Variants in IFT81 observed in about 807,000 individuals in gnomAD.
IFT81 encodes the protein intraflagellar transport 81.
Under a neutral mutation model 102.6 loss-of-function variants are expected in IFT81, and 72 were observed. The ratio of observed to expected loss-of-function variants is 0.70; its 90% CI spans 0.58 to 0.85. The LOEUF is 0.85. Among genes scored for constraint, IFT81 ranks in the 40% least tolerant of loss-of-function variants. The pLI, the probability that IFT81 is intolerant of heterozygous loss-of-function variation, is 0.00. For missense variants in IFT81, 723 were observed against 787.3 expected, an observed-to-expected ratio of 0.92 and a Z score of 0.98; for synonymous variants, 237 against 242.7, an observed-to-expected ratio of 0.98 and a Z score of 0.22.
rs1405555136 is a variant in IFT81 at position 110,132,634 on chromosome 12, A to C, written c.517A>C (p.Lys173Gln). The C allele has an allele frequency of 6.7e-7, 1 of 1,499,630 alleles. No homozygotes were observed. Among genetic ancestry groups the C allele is most frequent in the Non-Finnish European group, 9.2e-7 (1 of 1,089,542 alleles). The allele number at this position is 1,499,630 out of a possible 1,614,324, so 92.9% of individuals were successfully genotyped here. The change falls in exon 5 of 19, where the codon AAG becomes CAG. Residue 173 changes from lysine (K) to glutamine (Q), a missense_variant and splice_region_variant. Physicochemically the swap from Lys to Gln is moderately conservative, Grantham distance 53. Transcript: ENST00000242591. ...TGGATTTTCTACAGCAGAAATAAGAAAGGTAAAGGAAAGAAAACATAGTAA... is the reference window on the plus strand; with the variant it reads ...TGGATTTTCTACAGCAGAAATAAGACAGGTAAAGGAAAGAAAACATAGTAA... The part of the protein sequence containing the change: ...ISGFSTAEIR[K>Q]DISAMEEEKD...
chr12:110,159,757 T>C (rs1244900183), intron 10 of IFT81, among the ~76,000 whole-genome samples: 2 of 152,186 alleles, frequency 1.3e-5, no homozygotes, highest in Non-Finnish European at 2.9e-5. Context: ...ATCCCCAGTA[T>C]TGGAGGACTA....
At chr12:110,142,716 C>T (rs1894970201) in intron 8 of IFT81, among the ~76,000 whole-genome samples, 1 of 151,632 alleles carries the variant, frequency 6.6e-6, no homozygotes, top group Non-Finnish European at 1.5e-5. Flanking sequence ...ATGGCAAAAC[C>T]TCGTCTCTAC....
At chr12:110,216,013 T>C (rs1341053709) in intron 18 of IFT81, among the ~76,000 whole-genome samples, 2 of 152,130 alleles carry the variant, frequency 1.3e-5, no homozygotes, top group African/African-American at 2.4e-5. Flanking sequence ...ATAAATAGAG[T>C]ATACACTGTT....
intron 10 of IFT81, among the ~76,000 whole-genome samples, chr12:110,157,822 G>C (rs1337717703): frequency 6.6e-6 from 1 of 152,044 alleles, no homozygotes; most frequent in South Asian, 2.1e-4. Flanking sequence ...AATACCTCTA[G>C]TGAATTTTTA....
In IFT81 at chr12:110,135,327, G is replaced by A; in HGVS notation, c.586G>A (p.Val196Ile). 1 of 1,600,748 alleles carries A rather than the reference G, an allele frequency of 6.2e-7. No homozygotes were observed. Among genetic ancestry groups the A allele is most frequent in the Non-Finnish European group, 8.5e-7 (1 of 1,171,918 alleles). ...IKRVEHLKKR[V>I]ETAQNHQWML... ...TGTACTACTTATTCCCTTACTGTAG[G>A]TTGAGACAGCTCAGAATCATCAATG... Residue 196 changes from valine to isoleucine, a missense_variant and splice_region_variant, in exon 7 of 19, where the codon GTT becomes ATT. By Grantham distance (29) the Val-to-Ile change is conservative. Transcript: ENST00000242591.
At chr12:110,203,158 T>G (rs1454659158) in intron 14 of IFT81, among the ~76,000 whole-genome samples, 1 of 152,008 alleles carries the variant, frequency 6.6e-6, no homozygotes, top group Non-Finnish European at 1.5e-5. Flanking sequence ...CCCAGCTGCT[T>G]TGGAGTCTGA....
At chr12:110,129,195 A>G (rs966632558) in intron 4 of IFT81, 65 bp downstream of exon 4, 3 of 1,206,496 alleles carry the variant, frequency 2.5e-6, no homozygotes, top group African/African-American at 1.6e-5. Context: ...ATTCAAATAC[A>G]TGTTACTCTT....
At chr12:110,152,429 A>G (rs569915922) in intron 10 of IFT81, among the ~76,000 whole-genome samples, 56 of 152,254 alleles carry the variant, frequency 3.7e-4, no homozygotes, top group African/African-American at 1.2e-3. Flanking sequence ...TCACATACCC[A>G]TTGGCCATTT....
At chr12:110,161,714 A>G (rs562501051) in intron 10 of IFT81, among the ~76,000 whole-genome samples, 2 of 152,160 alleles carry the variant, frequency 1.3e-5, no homozygotes, top group South Asian at 2.1e-4. Context: ...TTGGCCTCCC[A>G]AAGTGCTGGG....
At chr12:110,175,249 A>G (rs1385728368) in intron 11 of IFT81, among the ~76,000 whole-genome samples, 1 of 152,192 alleles carries the variant, frequency 6.6e-6, no homozygotes, top group South Asian at 2.1e-4. Flanking sequence ...TTTCCTTTAT[A>G]GCTAAAGGTG....
At chr12:110,216,186 G>T (rs953013313) in intron 18 of IFT81, among the ~76,000 whole-genome samples, 1 of 151,592 alleles carries the variant, frequency 6.6e-6, no homozygotes, top group Non-Finnish European at 1.5e-5. Context: ...GTTTTGTTTT[G>T]TTTTGTTTTG....
intron 18 of IFT81, among the ~76,000 whole-genome samples, chr12:110,212,147 A>G (rs1056788820): frequency 3.9e-5 from 6 of 152,072 alleles, no homozygotes; most frequent in African/African-American, 1.4e-4. Context: ...TGAAAGATGA[A>G]TTAGCTCCTA....
chr12:110,132,414 C>T lies in IFT81; in HGVS notation c.430-133C>T, dbSNP rs1428188597. 7 of 414,550 alleles carry T rather than the reference C, an allele frequency of 1.7e-5. No homozygotes were observed. The Admixed American group carries it at 2.5e-4, about 15-fold the overall frequency. The allele number at this position is 414,550 out of a possible 1,614,324, so 25.7% of individuals were successfully genotyped here. On this transcript the variant is annotated intron_variant, in intron 4 of 18. Transcript: ENST00000242591. The stretch of plus-strand genomic sequence containing the variant: ...GGCGGAAGTTGTAGTGAGCCGAGAT[C>T]GTGCCACTGCACTCCAGGCTGGGCG...
At chr12:110,188,306 T>C (rs1897636112) in intron 12 of IFT81, among the ~76,000 whole-genome samples, 1 of 149,566 alleles carries the variant, frequency 6.7e-6, no homozygotes, top group Non-Finnish European at 1.5e-5. Flanking sequence ...CACTCCAGCC[T>C]GAGCGACAGA....
chr12:110,176,489 C>T (rs1198529156), intron 11 of IFT81, among the ~76,000 whole-genome samples: 2 of 152,180 alleles, frequency 1.3e-5, no homozygotes, highest in Non-Finnish European at 2.9e-5. Flanking sequence ...GCTCTGGCCG[C>T]TAATGGAATG....
intron 10 of IFT81, among the ~76,000 whole-genome samples, chr12:110,151,770 A>G (rs1895546054): frequency 6.6e-6 from 1 of 152,084 alleles, no homozygotes; most frequent in African/African-American, 2.4e-5. Context: ...TATTCCCCCA[A>G]CTGAAATTTT....
chr12:110,137,908 G>C (rs1894611991), intron 8 of IFT81, among the ~76,000 whole-genome samples: 1 of 152,202 alleles, frequency 6.6e-6, no homozygotes, highest in African/African-American at 2.4e-5. Flanking sequence ...TAGAATAACA[G>C]TGCTAATGAC....
At chr12:110,127,263 A>G (rs953892716) in intron 1 of IFT81, 97 bp from the exon 2 acceptor site, 2 of 1,130,592 alleles carry the variant, frequency 1.8e-6, no homozygotes, top group Non-Finnish European at 1.2e-6. Flanking sequence ...GTAAAATTAT[A>G]CTTTTCATGC....
At chr12:110,151,301 T>C (rs1377057962) in intron 10 of IFT81, among the ~76,000 whole-genome samples, 1 of 152,232 alleles carries the variant, frequency 6.6e-6, no homozygotes, top group Non-Finnish European at 1.5e-5. Flanking sequence ...CATTGGCTTC[T>C]TTCACTTAGC....
Sources: allele counts gnomAD v4.1 joint callset (sites outside exome capture counted in the v4.1 genomes callset), GRCh38; gene constraint gnomAD v4.1.1; transcripts MANE v1.5; gene names NCBI Gene and HGNC (gene_info 2026-07-23, HGNC 2026-07-21).